EML1: variants seen among roughly 807,000 people sequenced by gnomAD.
The protein encoded by EML1 is echinoderm microtubule-associated protein-like 1.
Under a neutral mutation model 110.4 loss-of-function variants are expected in EML1, and 27 were observed. The observed-to-expected ratio is 0.24, with a 90% CI of 0.18 to 0.34. The LOEUF (loss-of-function observed/expected upper bound fraction) is 0.34, where lower values mean the gene tolerates loss of function less well. Ranked by LOEUF, EML1 falls within the 10% of genes least tolerant of loss-of-function variation. The pLI is 1.00. For synonymous variants in EML1, 344 were observed against 385.8 expected (o/e 0.89, Z 1.27); for missense variants, 741 against 1,030.9 (o/e 0.72, Z 3.85).
chr14:99,763,708 G>A (rs1043790640), intron 1 of EML1, among the ~76,000 whole-genome samples: 4 of 152,174 alleles, frequency 2.6e-5, no homozygotes, highest in African/African-American at 7.2e-5. Context: ...TATGCTGCAC[G>A]ATGTTTCGAT....
At chr14:99,805,312 G>A (rs188632703) in intron 1 of EML1, among the ~76,000 whole-genome samples, 4 of 152,312 alleles carry the variant, frequency 2.6e-5, no homozygotes, top group Middle Eastern at 3.4e-3. Flanking sequence ...ACTTTGAGTC[G>A]TGCCTACTTA....
chr14:99,745,303 TTA>T (rs1416453501), intron 1 of EML1, among the ~76,000 whole-genome samples: 1 of 152,180 alleles, frequency 6.6e-6, no homozygotes, highest in Non-Finnish European at 1.5e-5. Context: ...TGACCTCAAA[TTA>T]TCCGCCTGCT....
At chr14:99,895,858 T>G (rs1302745415) in intron 6 of EML1, among the ~76,000 whole-genome samples, 1 of 152,016 alleles carries the variant, frequency 6.6e-6, no homozygotes, top group Non-Finnish European at 1.5e-5. Flanking sequence ...AAGTCCAGCC[T>G]GGGTAACTTG....
chr14:99,932,646 TAA>T (rs10681463), intron 17 of EML1, among the ~76,000 whole-genome samples: 5 of 134,344 alleles, frequency 3.7e-5, no homozygotes, highest in Admixed American at 1.5e-4. Context: ...GACTCCATCT[TAA>T]AAAAAAAAAA....
At chr14:99,833,022 A>AGTTTT (rs766327747) in intron 1 of EML1, among the ~76,000 whole-genome samples, 2 of 152,104 alleles carry the variant, frequency 1.3e-5, no homozygotes, top group Non-Finnish European at 2.9e-5. Flanking sequence ...GTACTCAATA[A>AGTTTT]GTTTTGTTTT....
Position 99,800,712 on chromosome 14 carries a change from G to A in EML1, c.67+7169G>A, listed in dbSNP as rs544698597. 2.9e-4 allele frequency among the ~76,000 whole-genome samples: 44 copies of A among 152,254 alleles called. 1 individual carries two copies. Among genetic ancestry groups the A allele is most frequent in the African/African-American group, 1.0e-3 (42 of 41,548 alleles). ...CATTTCCATTTTTGTTTACTCTAAGGTTCTACCTTTACTGGCAAATACTGT... is the reference window on the plus strand; with the variant it reads ...CATTTCCATTTTTGTTTACTCTAAGATTCTACCTTTACTGGCAAATACTGT... On this transcript the variant is annotated intron_variant, in intron 1 of 21. Coordinates refer to ENST00000262233, the MANE Select transcript of EML1 (RefSeq NM_004434.3).
chr14:99,894,733 A>C lies in EML1; in HGVS notation c.652A>C (p.Thr218Pro). 1 of 1,613,204 alleles carries C rather than the reference A, an allele frequency of 6.2e-7. No individual in the cohort carries two copies. The highest frequency in any genetic ancestry group is 8.5e-7 in the Non-Finnish European group (1 of 1,179,560). ...CTTGGAAGCAAAAGTAGAACTTCCAACCAAGAGACTCAAGCTGGAATGGGT... is the reference window on the plus strand; with the variant it reads ...CTTGGAAGCAAAAGTAGAACTTCCACCCAAGAGACTCAAGCTGGAATGGGT... Reference protein sequence around the residue: ...YSLEAKVELPTKRLKLEWVYG... With the variant: ...YSLEAKVELPPKRLKLEWVYG... Residue 218 changes from threonine to proline, a missense_variant, in exon 6 of 22, where the codon ACC (threonine) becomes CCC (proline). Thr to Pro is a conservative substitution (Grantham distance 38). This residue lies in a region of EML1 where 13 missense variants were observed against 47.2 expected (regional missense o/e 0.28). Coordinates refer to ENST00000262233, the MANE Select transcript of EML1 (RefSeq NM_004434.3).
At chr14:99,909,932 A>AG (rs2059918828) in intron 11 of EML1, among the ~76,000 whole-genome samples, 1 of 152,108 alleles carries the variant, frequency 6.6e-6, no homozygotes, top group Non-Finnish European at 1.5e-5. Flanking sequence ...CCTGCCCTTT[A>AG]GGCTGACAGC....
chr14:99,739,242 G>C (rs542900505), intron 1 of EML1, among the ~76,000 whole-genome samples: 1 of 151,910 alleles, frequency 6.6e-6, no homozygotes, highest in Non-Finnish European at 1.5e-5. Context: ...ATTGCCCGCC[G>C]GGGCTGCGGG....
rs535895871 is a variant in EML1 at position 99,845,186 on chromosome 14, A to G, written c.68-5667A>G. Among the ~76,000 whole-genome samples, 10 of 152,258 alleles carry G rather than the reference A, an allele frequency of 6.6e-5. No homozygotes were observed. In the East Asian group the frequency reaches 1.7e-3, roughly 26 times the overall value. On this transcript the variant is annotated intron_variant, in intron 1 of 21. Transcript: ENST00000262233. ...TCTCACTGCACTTGCTTTTGTCAGCATTTTTACTTTTAACCATCCTAATAG... is the reference window on the plus strand; with the variant it reads ...TCTCACTGCACTTGCTTTTGTCAGCGTTTTTACTTTTAACCATCCTAATAG...
chr14:99,889,154 T>C (rs1467162808), intron 4 of EML1, among the ~76,000 whole-genome samples: 3 of 152,062 alleles, frequency 2.0e-5, no homozygotes, highest in African/African-American at 7.2e-5. Flanking sequence ...GAGAGCCCTT[T>C]GAGGGGTGGG....
At chr14:99,851,858 A>G (rs2058813513) in intron 2 of EML1, among the ~76,000 whole-genome samples, 2 of 152,060 alleles carry the variant, frequency 1.3e-5, no homozygotes, top group African/African-American at 4.8e-5. Context: ...TCAGAGTCCT[A>G]TGTTATCATT....
Position 99,878,532 on chromosome 14 carries a change from G to A in EML1, c.431G>A (p.Arg144Gln), listed in dbSNP as rs1164652665. 3.1e-6 allele frequency: 5 copies of A among 1,613,966 alleles called. No homozygotes were observed. In the African/African-American group the frequency reaches 4.0e-5, roughly 13 times the overall value. The change falls in exon 4 of 22, where the codon CGA becomes CAA. Residue 144 changes from arginine (R) to glutamine (Q), a missense_variant. Physicochemically the swap from Arg to Gln is conservative, Grantham distance 43. Coordinates refer to ENST00000262233, the MANE Select transcript of EML1 (RefSeq NM_004434.3). ...TCTGAACGAGTGTCTCCTGGGGGTC[G>A]AAGGGAAAGCAATGGGGATTCCAGA... is the stretch of plus-strand genomic sequence containing the variant. ...SSSERVSPGG[R>Q]RESNGDSRGN...
intron 1 of EML1, among the ~76,000 whole-genome samples, chr14:99,752,414 A>G (rs928018921): frequency 1.3e-5 from 2 of 152,210 alleles, no homozygotes; most frequent in Non-Finnish European, 2.9e-5. Flanking sequence ...TTTCAGATAA[A>G]CAACAACTGT....
intron 17 of EML1, among the ~76,000 whole-genome samples, chr14:99,935,594 T>G (rs1367829279): frequency 6.6e-6 from 1 of 152,046 alleles, no homozygotes; most frequent in African/African-American, 2.4e-5. Flanking sequence ...CCATCCTGGC[T>G]AACACGTTGA....
intron 15 of EML1, chr14:99,914,929 AGTT>A (rs2140064385): frequency 3.6e-6 from 2 of 549,556 alleles, no homozygotes; most frequent in Admixed American, 7.7e-5. Context: ...TCTGACAAGA[AGTT>A]GTTCTTTCTG....
intron 1 of EML1, among the ~76,000 whole-genome samples, chr14:99,828,924 G>A (rs1365843105): frequency 6.6e-6 from 1 of 152,114 alleles, no homozygotes; most frequent in Non-Finnish European, 1.5e-5. Flanking sequence ...AGGCTGAGGA[G>A]GAGGAGGAAG....
chr14:99,934,608 A>G (rs2140129579), intron 17 of EML1, among the ~76,000 whole-genome samples: 1 of 152,354 alleles, frequency 6.6e-6, no homozygotes, highest in South Asian at 2.1e-4. Context: ...CCCGACTGCT[A>G]TGAAAATGCG....
At chr14:99,794,427 G>T (rs2057732372) in intron 1 of EML1, among the ~76,000 whole-genome samples, 1 of 151,882 alleles carries the variant, frequency 6.6e-6, no homozygotes, top group Non-Finnish European at 1.5e-5. Flanking sequence ...GTATTTGATA[G>T]AATTTGCTTA....
Sources: gnomAD v4.1 joint callset for allele counts (sites outside exome capture counted in the v4.1 genomes callset) on GRCh38, gnomAD v4.1.1 for gene constraint, gnomAD v4.1.1 regional missense constraint, MANE v1.5 for transcripts, NCBI Gene and HGNC (gene_info 2026-07-23, HGNC 2026-07-21) for gene names.